Variants in MED22 observed in about 807,000 individuals in gnomAD.
The protein encoded by MED22 is mediator complex subunit 22.
In MED22, 22 loss-of-function variants were observed where a neutral mutation model predicts 22.7. The ratio of observed to expected loss-of-function variants is 0.97; its 90% CI spans 0.69 to 1.38. The LOEUF (loss-of-function observed/expected upper bound fraction) is 1.38, where lower values mean the gene tolerates loss of function less well. MED22 is among the 40% of genes most tolerant of loss of function. MED22 has a pLI of 0.00. For missense variants in MED22, 247 were observed against 263.0 expected, an observed-to-expected ratio of 0.94 and a Z score of 0.42; for synonymous variants, 134 against 119.4, an observed-to-expected ratio of 1.12 and a Z score of -0.80.
chr9:133,339,315 GA>G lies in MED22; in HGVS notation c.*2189del. On this transcript the variant is annotated 3_prime_UTR_variant, in exon 5 of 5. Coordinates refer to ENST00000343730, the MANE Select transcript of MED22 (RefSeq NM_133640.5). ...AGAGAGCTTCCTGAAACGCGTGAAGGAAAATGATCAGAAAAAGAGGGAAGCC... is the reference window on the plus strand; with the variant it reads ...AGAGAGCTTCCTGAAACGCGTGAAGGAAATGATCAGAAAAAGAGGGAAGCC... 1.4e-6 allele frequency: 1 copy of G among 709,638 alleles called. No individual in the cohort carries two copies. The highest frequency in any genetic ancestry group is 2.6e-6 in the Non-Finnish European group (1 of 379,754). 44.0% of individuals were successfully genotyped at this position (709,638 alleles called of 1,614,324 possible). A position where few individuals can be genotyped will look rare whatever the true frequency, so the allele number is the denominator to read the frequency against.
rs1835965674 is a variant in MED22, at chr9:133,339,868, A to G, written c.*1637T>C. 1 of 154,150 alleles carries G rather than the reference A, an allele frequency of 6.5e-6. No homozygotes were observed. The highest frequency in any genetic ancestry group is 1.9e-4 in the East Asian group (1 of 5,240). 9.5% of individuals were successfully genotyped at this position (154,150 alleles called of 1,614,324 possible). A position where few individuals can be genotyped will look rare whatever the true frequency, so the allele number is the denominator to read the frequency against. Reference sequence around the variant, plus strand: ...CCCGTGGAGCTCTGCTGCCAAGGCCATGAGCTGGAGAGGAAAAAAGGTCAG... The same window carrying G: ...CCCGTGGAGCTCTGCTGCCAAGGCCGTGAGCTGGAGAGGAAAAAAGGTCAG... On this transcript the variant is annotated 3_prime_UTR_variant, in exon 5 of 5. Transcript: ENST00000343730.
rs2129945407 is a variant in MED22, at chr9:133,340,563, G to A, written c.*942C>T. 1 of 152,380 alleles carries A rather than the reference G, an allele frequency of 6.6e-6. No homozygotes were observed. Among genetic ancestry groups the A allele is most frequent in the Middle Eastern group, 3.4e-3 (1 of 294 alleles). The allele number at this position is 152,380 out of a possible 1,614,324, so 9.4% of individuals were successfully genotyped here. A position where few individuals can be genotyped will look rare whatever the true frequency, so the allele number is the denominator to read the frequency against. ...AGACACTGGGTCTAGACTTCCATCA[G>A]GTTCAAGTTCTGATTCCTGCCACTT... On this transcript the variant is annotated 3_prime_UTR_variant, in exon 5 of 5. Transcript: ENST00000343730.
intron 2 of MED22, among the ~76,000 whole-genome samples, chr9:133,345,571 T>G (rs1836156433): frequency 6.6e-6 from 1 of 152,244 alleles, no homozygotes; most frequent in Non-Finnish European, 1.5e-5. Flanking sequence ...GTGGGAGCCC[T>G]GTTTGGTAGG....
At chr9:133,343,783 G>C in intron 4 of MED22, 3 of 1,368,022 alleles carry the variant, frequency 2.2e-6, no homozygotes, top group Non-Finnish European at 2.8e-6. Flanking sequence ...AACAGGAGCA[G>C]CACAGCCCCA....
intron 4 of MED22, chr9:133,343,691 C>G: frequency 7.9e-7 from 1 of 1,264,816 alleles, no homozygotes; most frequent in Non-Finnish European, 9.9e-7. Flanking sequence ...TCCCTGGTGC[C>G]CTGGACATAG....
At chr9:133,343,190 A>G in intron 4 of MED22, 1 of 1,094,714 alleles carries the variant, frequency 9.1e-7, no homozygotes, top group South Asian at 4.5e-5. Context: ...GGCTCTGGAT[A>G]TCTGTGGCTC....
In MED22 at chr9:133,348,032, C is replaced by G; in HGVS notation, c.-149G>C. 2 of 680,422 alleles carry G rather than the reference C, an allele frequency of 2.9e-6. No individual in the cohort carries two copies. The highest frequency in any genetic ancestry group is 5.1e-6 in the Non-Finnish European group (2 of 390,104). The allele number at this position is 680,422 out of a possible 1,614,324, so 42.1% of individuals were successfully genotyped here. A position where few individuals can be genotyped will look rare whatever the true frequency, so the allele number is the denominator to read the frequency against. The stretch of plus-strand genomic sequence containing the variant: ...CCCGCGTCTCTCCCACGGCCTGGCC[C>G]TCCCGCCGCAGTCTCTCTTCCCCGC... On this transcript the variant is annotated 5_prime_UTR_variant, in exon 1 of 5. Transcript: ENST00000343730.
At chr9:133,341,970 A>G in intron 4 of MED22, 1 of 1,242,324 alleles carries the variant, frequency 8.0e-7, no homozygotes, top group Non-Finnish European at 1.0e-6. Flanking sequence ...CTTCCTGCCC[A>G]GCCTCCACGT....
At chr9:133,346,316 C>A (rs1332661131) in intron 2 of MED22, 3 of 560,762 alleles carry the variant, frequency 5.3e-6, no homozygotes, top group African/African-American at 3.8e-5. Flanking sequence ...CCCCACCATG[C>A]AGGAGAAACT....
In MED22 at chr9:133,345,181, G is replaced by A. The variant is rs199628533; in HGVS notation, c.195C>T (p.Ala65=). 49 of 1,613,744 alleles carry A rather than the reference G, an allele frequency of 3.0e-5. No individual in the cohort carries two copies. The highest frequency in any genetic ancestry group is 4.5e-5 in the East Asian group (2 of 44,896). Residue 65 remains alanine (A), a synonymous_variant, in exon 3 of 5, where the codon GCC becomes GCT. Coordinates refer to ENST00000343730, the MANE Select transcript of MED22 (RefSeq NM_133640.5). The stretch of plus-strand genomic sequence containing the variant: ...CACCCTGGCCACTCACGATGTTGGC[G>A]GCTCGCACATGCATCTCGTAATTGT... ...EQDNYEMHVR[A]ANIVRAGESL... is the part of the protein sequence containing the mutation.
chr9:133,343,546 G>A (rs2129957129), intron 4 of MED22: 1 of 1,239,150 alleles, frequency 8.1e-7, no homozygotes, highest in East Asian at 3.1e-5. Flanking sequence ...CAGCTCCGTG[G>A]ATAAGGCTGA....
chr9:133,343,654 G>T, intron 4 of MED22: 1 of 1,253,628 alleles, frequency 8.0e-7, no homozygotes, highest in Non-Finnish European at 1.0e-6. Context: ...CCACACTGGG[G>T]TTTGGTGACA....
rs2129942267 is a variant in MED22 at position 133,339,202 on chromosome 9, T to C, written c.*2303A>G. 11 of 694,512 alleles carry C rather than the reference T, an allele frequency of 1.6e-5. No homozygotes were observed. The Admixed American group carries it at 1.8e-4, about 11-fold the overall frequency. The allele number at this position is 694,512 out of a possible 1,614,324, so 43.0% of individuals were successfully genotyped here. A position where few individuals can be genotyped will look rare whatever the true frequency, so the allele number is the denominator to read the frequency against. ...GAGTCTACAGTGTTCCCCAGCATGC[T>C]GTTGGCACTGTTGTAAACAAGTAAG... On this transcript the variant is annotated 3_prime_UTR_variant, in exon 5 of 5. Transcript: ENST00000343730.
At chr9:133,347,217 C>G (rs1836212529) in intron 1 of MED22, 1 of 154,048 alleles carries the variant, frequency 6.5e-6, no homozygotes. Context: ...GGGAAGAGGT[C>G]CTAAAAAGTG....
At chr9:133,344,010 G>T (rs1836096276) in intron 4 of MED22, 115 bp downstream of exon 4, 3 of 1,524,456 alleles carry the variant, frequency 2.0e-6, no homozygotes, top group Non-Finnish European at 2.6e-6. Flanking sequence ...ACCCAGGCAT[G>T]GCTCCACTGC....
chr9:133,338,521 GTCTGGAACTCCCGACCTCAGGTGA>G lies in MED22; in HGVS notation c.*2960_*2983del, dbSNP rs1233880083. On this transcript the variant is annotated 3_prime_UTR_variant, in exon 5 of 5. Transcript: ENST00000343730. ...GGGTTTCTCCATGTTGGTCAGGCTG[GTCTGGAACTCCCGACCTCAGGTGA>G]TCTGCCCGCCTCGGCCTCCCAAAGT... 1.8e-5 allele frequency: 3 copies of G among 165,734 alleles called. No individual in the cohort carries two copies. The highest frequency in any genetic ancestry group is 7.2e-5 in the African/African-American group (3 of 41,644). 10.3% of individuals were successfully genotyped at this position (165,734 alleles called of 1,614,324 possible).
chr9:133,341,854 C>T (rs1210150355), intron 4 of MED22, 160 bp from the exon 5 acceptor site: 5 of 1,397,150 alleles, frequency 3.6e-6, no homozygotes, highest in Non-Finnish European at 4.6e-6. Context: ...CCTGAGTTGG[C>T]AGGCCTGGCA....
chr9:133,344,386 G>T, intron 3 of MED22, 53 bp from the exon 4 acceptor site: 5 of 1,590,838 alleles, frequency 3.1e-6, no homozygotes, highest in Non-Finnish European at 3.4e-6. Context: ...CAGCGGCCTT[G>T]CCTACAAGTA....
chr9:133,344,763 T>C (rs1836133365), intron 3 of MED22, among the ~76,000 whole-genome samples: 1 of 152,194 alleles, frequency 6.6e-6, no homozygotes, highest in African/African-American at 2.4e-5. Flanking sequence ...CGGAATTATC[T>C]GCTTGCTGTG....
Sources: gnomAD v4.1 joint callset for allele counts (sites outside exome capture counted in the v4.1 genomes callset) on GRCh38, gnomAD v4.1.1 for gene constraint, MANE v1.5 for transcripts, NCBI Gene and HGNC (gene_info 2026-07-23, HGNC 2026-07-21) for gene names.